The following SUMF1 variants were observed in gnomAD, a reference collection of about 807,000 sequenced individuals.
The protein encoded by SUMF1 is sulfatase modifying factor 1.
A neutral mutation model predicts 47.6 loss-of-function variants in SUMF1; 48 were observed. The ratio of observed to expected loss-of-function variants is 1.01; its 90% CI spans 0.80 to 1.28. The LOEUF (loss-of-function observed/expected upper bound fraction) is 1.28, where lower values mean the gene tolerates loss of function less well. Ranked by LOEUF, SUMF1 falls within the 50% of genes most tolerant of loss-of-function variation. SUMF1 has a pLI of 0.00. For synonymous variants in SUMF1, 230 were observed against 192.1 expected (o/e 1.20, Z -1.63); for missense variants, 571 against 485.4 (o/e 1.18, Z -1.66).
rs1701880019 is a variant in SUMF1 at position 4,420,944 on chromosome 3, C to CTGG, written c.520-799_520-798insCCA. Among the ~76,000 whole-genome samples the CTGG allele has an allele frequency of 7.9e-5, 12 of 152,312 alleles. No homozygotes were observed. The South Asian group carries it at 2.5e-3, about 32-fold the overall frequency. ...TTAGCTGGGTGACCCTGGGCAAGTTCACTACTTGTCTGGACCCTCCTAGTC... is the reference window on the plus strand; with the variant it reads ...TTAGCTGGGTGACCCTGGGCAAGTTCTGGACTACTTGTCTGGACCCTCCTAGTC... On this transcript the variant is annotated intron_variant, in intron 3 of 8. Transcript: ENST00000272902.
At chr3:4,181,384 A>G (rs1335145498) in intron 8 of SUMF1, among the ~76,000 whole-genome samples, 1 of 152,160 alleles carries the variant, frequency 6.6e-6, no homozygotes, top group Non-Finnish European at 1.5e-5. Flanking sequence ...ATTCTTATTT[A>G]AAAGACTGCT....
At chr3:4,446,434 G>A (rs962119739) in intron 3 of SUMF1, among the ~76,000 whole-genome samples, 2 of 152,214 alleles carry the variant, frequency 1.3e-5, no homozygotes, top group Non-Finnish European at 2.9e-5. Context: ...ATGTGGAACT[G>A]TGAGTCCATT....
At chr3:4,207,117 T>C (rs953637223) in intron 8 of SUMF1, among the ~76,000 whole-genome samples, 4 of 152,168 alleles carry the variant, frequency 2.6e-5, no homozygotes, top group Non-Finnish European at 4.4e-5. Context: ...TCATAGTAAA[T>C]GATATTATCT....
At chr3:4,451,392 T>TGGCTCGA (rs1165338177) in intron 2 of SUMF1, among the ~76,000 whole-genome samples, 3 of 152,242 alleles carry the variant, frequency 2.0e-5, no homozygotes, top group African/African-American at 7.2e-5. Flanking sequence ...TACTACATTG[T>TGGCTCGA]GGCTCGAGGG....
At chr3:4,206,559 C>A (rs1047847028) in intron 8 of SUMF1, among the ~76,000 whole-genome samples, 1 of 152,132 alleles carries the variant, frequency 6.6e-6, no homozygotes, top group East Asian at 1.9e-4. Context: ...CTCTGTGTCA[C>A]GTGGCACTGC....
At chr3:4,339,646 G>A (rs1699228242) in intron 8 of SUMF1, among the ~76,000 whole-genome samples, 1 of 152,146 alleles carries the variant, frequency 6.6e-6, no homozygotes, top group Admixed American at 6.5e-5. Flanking sequence ...TCTTGGGTAG[G>A]AAGGCTGATA....
intron 7 of SUMF1, among the ~76,000 whole-genome samples, chr3:4,383,221 A>G (rs1021439247): frequency 6.6e-6 from 1 of 152,134 alleles, no homozygotes; most frequent in Non-Finnish European, 1.5e-5. Flanking sequence ...TCTATTAAAA[A>G]TACAAAAATT....
At chr3:4,137,943 CTAA>C (rs1435750688) in intron 8 of SUMF1, among the ~76,000 whole-genome samples, 1 of 150,654 alleles carries the variant, frequency 6.6e-6, no homozygotes, top group Non-Finnish European at 1.5e-5. Context: ...ATTATTAGAA[CTAA>C]TAAGTGAGTT....
At chr3:4,071,178 C>T (rs773191643) in intron 8 of SUMF1, among the ~76,000 whole-genome samples, 4 of 152,068 alleles carry the variant, frequency 2.6e-5, no homozygotes, top group Non-Finnish European at 4.4e-5. Context: ...TTAGGAGGTG[C>T]TTCCACGATG....
At chr3:4,315,634 C>T (rs1338994266) in intron 8 of SUMF1, among the ~76,000 whole-genome samples, 1 of 152,168 alleles carries the variant, frequency 6.6e-6, no homozygotes, top group Non-Finnish European at 1.5e-5. Flanking sequence ...TTGTTTGCTT[C>T]ATTGCCATAT....
rs774091636 is a variant in SUMF1 at position 4,362,018 on chromosome 3, T to A, written c.*126A>T. On this transcript the variant is annotated 3_prime_UTR_variant, in exon 9 of 9. Coordinates refer to ENST00000272902, the MANE Select transcript of SUMF1 (RefSeq NM_182760.4). ...TCTCACAAGGCGGTTCCTTTGGCCA[T>A]TGGGCAGGTATGTAACCCACCTCAG... 2.3e-6 allele frequency: 2 copies of A among 882,354 alleles called. No homozygotes were observed. Among genetic ancestry groups the A allele is most frequent in the Non-Finnish European group, 3.6e-6 (2 of 550,206 alleles). 54.7% of individuals were successfully genotyped at this position (882,354 alleles called of 1,614,324 possible).
At chr3:4,433,273 C>A (rs865799143) in intron 3 of SUMF1, among the ~76,000 whole-genome samples, 1 of 152,218 alleles carries the variant, frequency 6.6e-6, no homozygotes, top group Non-Finnish European at 1.5e-5. Flanking sequence ...TTTAAGGTCA[C>A]ATTAAACAGG....
chr3:4,391,714 C>A (rs1700869991), intron 7 of SUMF1, among the ~76,000 whole-genome samples: 1 of 152,164 alleles, frequency 6.6e-6, no homozygotes, highest in Non-Finnish European at 1.5e-5. Context: ...AACTCCTGGG[C>A]TCCAGTGATC....
intron 8 of SUMF1, among the ~76,000 whole-genome samples, chr3:4,220,841 G>A (rs532770671): frequency 1.3e-4 from 20 of 152,158 alleles, no homozygotes; most frequent in African/African-American, 4.8e-4. Flanking sequence ...TGACTTCTCT[G>A]GATCCCTTCC....
At chr3:4,446,329 C>T (rs2125116004) in intron 3 of SUMF1, among the ~76,000 whole-genome samples, 1 of 152,294 alleles carries the variant, frequency 6.6e-6, no homozygotes, top group South Asian at 2.1e-4. Context: ...TTATAAAGGG[C>T]AGCTCCCCTG....
At chr3:4,297,372 C>T (rs1272530507) in intron 8 of SUMF1, among the ~76,000 whole-genome samples, 1 of 152,056 alleles carries the variant, frequency 6.6e-6, no homozygotes, top group Non-Finnish European at 1.5e-5. Context: ...AGTGCCTGTA[C>T]TATGCCTACT....
intron 9 of SUMF1, among the ~76,000 whole-genome samples, chr3:4,048,215 C>T (rs1695040709): frequency 6.6e-6 from 1 of 152,068 alleles, no homozygotes; most frequent in Non-Finnish European, 1.5e-5. Context: ...TCTCTAACCC[C>T]CAGAAAGACC....
chr3:4,436,415 G>A (rs1702400436), intron 3 of SUMF1, among the ~76,000 whole-genome samples: 1 of 152,050 alleles, frequency 6.6e-6, no homozygotes, highest in African/African-American at 2.4e-5. Flanking sequence ...ATGGAATACT[G>A]AATACATATA....
intron 8 of SUMF1, among the ~76,000 whole-genome samples, chr3:4,311,369 G>A (rs1304096720): frequency 6.6e-6 from 1 of 152,182 alleles, no homozygotes; most frequent in African/African-American, 2.4e-5. Flanking sequence ...TCCTTCAGGT[G>A]CTTTAAAATC....
Sources: allele counts gnomAD v4.1 joint callset (sites outside exome capture counted in the v4.1 genomes callset), GRCh38; gene constraint gnomAD v4.1.1; transcripts MANE v1.5; gene names NCBI Gene and HGNC (gene_info 2026-07-23, HGNC 2026-07-21).